Variants in ATP6V1E1 observed in about 807,000 individuals in gnomAD.
ATP6V1E1 encodes the protein V-type proton ATPase subunit E 1.
In ATP6V1E1, 21 loss-of-function variants were observed where a neutral mutation model predicts 35.2. The observed-to-expected ratio is 0.60, with a 90% CI of 0.42 to 0.86. The LOEUF is 0.86. Ranked by LOEUF, ATP6V1E1 falls within the 40% of genes least tolerant of loss-of-function variation. The probability of loss-of-function intolerance (pLI) is 0.00; values close to 1 mark genes in which losing one functional copy is unlikely to be tolerated. For synonymous variants in ATP6V1E1, 83 were observed against 87.8 expected (o/e 0.95, Z 0.30); for missense variants, 183 against 272.6 (o/e 0.67, Z 2.32).
chr22:17,605,405 C>G (rs536143739), intron 4 of ATP6V1E1, among the ~76,000 whole-genome samples: 1 of 146,994 alleles, frequency 6.8e-6, no homozygotes, highest in Non-Finnish European at 1.5e-5. Context: ...TGGCACATGC[C>G]TGTAATCCCA....
At chr22:17,621,135 TCTC>T (rs1204265450) in intron 1 of ATP6V1E1, among the ~76,000 whole-genome samples, 4 of 152,070 alleles carry the variant, frequency 2.6e-5, no homozygotes, top group African/African-American at 9.7e-5. Flanking sequence ...CTTGCCATCA[TCTC>T]CTCTCAGCTA....
At chr22:17,606,065 A>C (rs2057785660) in intron 4 of ATP6V1E1, among the ~76,000 whole-genome samples, 1 of 152,152 alleles carries the variant, frequency 6.6e-6, no homozygotes, top group African/African-American at 2.4e-5. Flanking sequence ...TTAAACCTCA[A>C]AGGAATTCCA....
chr22:17,596,035 G>T (rs1018118382), intron 7 of ATP6V1E1, among the ~76,000 whole-genome samples: 1 of 152,072 alleles, frequency 6.6e-6, no homozygotes, highest in Non-Finnish European at 1.5e-5. Flanking sequence ...GGGAGGCTAA[G>T]GCAGGAGAAT....
intron 1 of ATP6V1E1, among the ~76,000 whole-genome samples, chr22:17,623,128 A>G (rs1322121839): frequency 6.6e-6 from 1 of 152,098 alleles, no homozygotes. Flanking sequence ...TTCTGTGGCC[A>G]CCATCGTGTT....
intron 4 of ATP6V1E1, among the ~76,000 whole-genome samples, chr22:17,602,611 G>C (rs368529441): frequency 5.9e-5 from 9 of 152,156 alleles, no homozygotes; most frequent in Non-Finnish European, 8.8e-5. Context: ...TCCTAACCTC[G>C]TGATCCGCCT....
At chr22:17,604,191 G>T (rs1249993662) in intron 4 of ATP6V1E1, among the ~76,000 whole-genome samples, 1 of 149,070 alleles carries the variant, frequency 6.7e-6, no homozygotes, top group Non-Finnish European at 1.5e-5. Context: ...TACCATCCGT[G>T]TGATAAGCTC....
rs779066391 is a variant in ATP6V1E1 at position 17,598,208 on chromosome 22, G to A, written c.516C>T (p.Tyr172=). ...ATACTCCTTACATGTCTTCAGGCAG[G>A]TAGGACTCCTGGTCAATTTGGACAT... ...DVDVQIDQES[Y]LPEDIAGGVE... Residue 172 remains tyrosine (Y), a synonymous_variant, in exon 7 of 9, where the codon TAC becomes TAT. Coordinates refer to ENST00000253413, the MANE Select transcript of ATP6V1E1 (RefSeq NM_001696.4). 4 of 1,613,080 alleles carry A rather than the reference G, an allele frequency of 2.5e-6. No homozygotes were observed. Among genetic ancestry groups the A allele is most frequent in the Admixed American group, 1.7e-5 (1 of 60,000 alleles).
intron 2 of ATP6V1E1, 122 bp from the exon 3 acceptor site, chr22:17,613,442 T>C: frequency 1.4e-6 from 1 of 720,826 alleles, no homozygotes; most frequent in South Asian, 1.7e-5. Context: ...AGAAAATTTA[T>C]TGTGATTCAT....
rs766001041 is a variant in ATP6V1E1 at position 17,613,289 on chromosome 22, C to A, written c.131G>T (p.Arg44Leu). ...AEEEFNIEKG[R>L]LVQTQRLKIM... ...CTTTAGTCTTTGGGTTTGCACAAGC[C>A]GACCTTTCTCTATGTTGAACTCTTC... Residue 44 changes from arginine to leucine, a missense_variant, in exon 3 of 9, where the codon CGG (arginine) becomes CTG (leucine). By Grantham distance (102) the Arg-to-Leu change is moderately radical. Transcript: ENST00000253413. 6.3e-5 allele frequency: 101 copies of A among 1,613,576 alleles called. No individual in the cohort carries two copies. The highest frequency in any genetic ancestry group is 7.5e-5 in the Non-Finnish European group (89 of 1,179,946).
At chr22:17,599,931 A>C (rs538989962) in intron 6 of ATP6V1E1, 96 bp downstream of exon 6, 2 of 1,049,204 alleles carry the variant, frequency 1.9e-6, no homozygotes, top group South Asian at 2.9e-5. Context: ...ACCAAAAAAA[A>C]AAGAAAAGGA....
intron 2 of ATP6V1E1, 137 bp downstream of exon 2, chr22:17,619,324 G>A (rs949857465): frequency 1.3e-6 from 1 of 777,522 alleles, no homozygotes; most frequent in Non-Finnish European, 2.1e-6. Flanking sequence ...AGGAAGGAGG[G>A]GAAGGAGGGA....
At chr22:17,602,784 T>C (rs772321124) in intron 4 of ATP6V1E1, among the ~76,000 whole-genome samples, 2 of 152,208 alleles carry the variant, frequency 1.3e-5, no homozygotes. Context: ...TATTCTAAGA[T>C]TTTGGTTTAT....
At chr22:17,602,096 G>A (rs1269336310) in intron 4 of ATP6V1E1, among the ~76,000 whole-genome samples, 2 of 151,676 alleles carry the variant, frequency 1.3e-5, no homozygotes, top group African/African-American at 4.8e-5. Context: ...TTATAGAGAT[G>A]GAGTCTTGCT....
chr22:17,625,272 CTTT>C (rs894530979), intron 1 of ATP6V1E1, among the ~76,000 whole-genome samples: 2 of 149,722 alleles, frequency 1.3e-5, no homozygotes, highest in East Asian at 3.9e-4. Flanking sequence ...CAACGAAAAA[CTTT>C]TTTTTTTGAG....
chr22:17,615,307 A>G (rs1294037532), intron 2 of ATP6V1E1, among the ~76,000 whole-genome samples: 1 of 152,050 alleles, frequency 6.6e-6, no homozygotes, highest in African/African-American at 2.4e-5. Flanking sequence ...TCCAAAAAAA[A>G]TATTAATTTT....
At chr22:17,628,491 A>G (rs1484929693) in intron 1 of ATP6V1E1, 112 bp downstream of exon 1, 5 of 1,430,672 alleles carry the variant, frequency 3.5e-6, no homozygotes, top group Non-Finnish European at 4.9e-6. Context: ...GGAGCAAGGG[A>G]CCTTCCTGCG....
intron 8 of ATP6V1E1, among the ~76,000 whole-genome samples, chr22:17,593,854 G>A (rs2057717290): frequency 6.6e-6 from 1 of 152,184 alleles, no homozygotes; most frequent in South Asian, 2.1e-4. Context: ...TAGAGTTCCT[G>A]TGTACAAATC....
At chr22:17,621,329 T>C (rs1229818187) in intron 1 of ATP6V1E1, among the ~76,000 whole-genome samples, 1 of 152,214 alleles carries the variant, frequency 6.6e-6, no homozygotes, top group Non-Finnish European at 1.5e-5. Context: ...TCTGTCTTTT[T>C]TTGAGACAGG....
At chr22:17,626,007 G>A (rs1467842767) in intron 1 of ATP6V1E1, among the ~76,000 whole-genome samples, 1 of 151,916 alleles carries the variant, frequency 6.6e-6, no homozygotes, top group Admixed American at 6.6e-5. Flanking sequence ...GCTCCTAAAT[G>A]TAAGCAAAAG....
Sources: allele counts gnomAD v4.1 joint callset (sites outside exome capture counted in the v4.1 genomes callset), GRCh38; gene constraint gnomAD v4.1.1; transcripts MANE v1.5; gene names NCBI Gene and HGNC (gene_info 2026-07-23, HGNC 2026-07-21).